The following MACO1 variants were observed in gnomAD, a reference collection of about 807,000 sequenced individuals.
The protein encoded by MACO1 is macoilin 1.
A neutral mutation model predicts 78.7 loss-of-function variants in MACO1; 14 were observed. The ratio of observed to expected loss-of-function variants is 0.18; its 90% CI spans 0.12 to 0.28. The LOEUF is 0.28. MACO1 is among the 10% of genes least tolerant of loss of function. The pLI is 1.00. For synonymous variants in MACO1, 288 were observed against 291.6 expected (o/e 0.99, Z 0.12); for missense variants, 501 against 799.0 (o/e 0.63, Z 4.50).
chr1:25,469,699 C>T (rs563719738), intron 6 of MACO1, among the ~76,000 whole-genome samples: 19 of 149,738 alleles, frequency 1.3e-4, no homozygotes, highest in African/African-American at 4.5e-4. Flanking sequence ...TGCAGTGGTC[C>T]GATCTCGGCT....
intron 8 of MACO1, among the ~76,000 whole-genome samples, chr1:25,487,806 TGTC>T (rs994740680): frequency 2.6e-5 from 4 of 152,204 alleles, no homozygotes; most frequent in Admixed American, 1.3e-4. Flanking sequence ...TTGTGTGTAT[TGTC>T]TCAAGTCTCA....
intron 1 of MACO1, among the ~76,000 whole-genome samples, chr1:25,439,673 T>TG (rs201239149): frequency 1.1e-4 from 16 of 151,818 alleles, no homozygotes; most frequent in Middle Eastern, 6.8e-3. Context: ...AATTTCTGTT[T>TG]TTTTTTTTTT....
At chr1:25,442,228 G>T (rs1392677148) in intron 1 of MACO1, among the ~76,000 whole-genome samples, 1 of 152,194 alleles carries the variant, frequency 6.6e-6, no homozygotes, top group Non-Finnish European at 1.5e-5. Flanking sequence ...CCAGATAAGG[G>T]GCTGAACGAA....
chr1:25,431,370 T>TCGGCC (rs1355391022), intron 1 of MACO1, among the ~76,000 whole-genome samples, 192 bp downstream of exon 1: 5 of 144,036 alleles, frequency 3.5e-5, no homozygotes, highest in African/African-American at 1.3e-4. Flanking sequence ...GTGGCGAGGG[T>TCGGCC]CGGCCCGGCC....
rs1433926452 is a variant in MACO1, at chr1:25,489,155, TCTC to T, written c.1497-17_1497-15del. 6.2e-7 allele frequency: 1 copy of T among 1,611,276 alleles called. No individual in the cohort carries two copies. Among genetic ancestry groups the T allele is most frequent in the Admixed American group, 1.7e-5 (1 of 59,880 alleles). ...AGTCTTTTAAATCACTTTATTTCCTTCTCTTCTTTTTCAAAAGGGGAGAATGCA... is the reference window on the plus strand; with the variant it reads ...AGTCTTTTAAATCACTTTATTTCCTTTTCTTTTTCAAAAGGGGAGAATGCA... On this transcript the variant is annotated splice_polypyrimidine_tract_variant and intron_variant, in intron 8 of 10. Coordinates refer to ENST00000374343, the MANE Select transcript of MACO1 (RefSeq NM_018202.6).
chr1:25,449,876 G>A (rs1341969350), intron 3 of MACO1, among the ~76,000 whole-genome samples: 1 of 152,094 alleles, frequency 6.6e-6, no homozygotes, highest in Non-Finnish European at 1.5e-5. Context: ...AAAATTAGCT[G>A]GGTGTGGTGG....
chr1:25,432,605 G>A (rs573509223), intron 1 of MACO1, among the ~76,000 whole-genome samples: 21 of 152,192 alleles, frequency 1.4e-4, no homozygotes, highest in Non-Finnish European at 2.6e-4. Context: ...TGGAGGAAAG[G>A]TCTCTTCAAT....
At chr1:25,446,604 G>C (rs1215462874) in intron 1 of MACO1, among the ~76,000 whole-genome samples, 158 bp from the exon 2 acceptor site, 6 of 152,204 alleles carry the variant, frequency 3.9e-5, no homozygotes, top group African/African-American at 1.4e-4. Flanking sequence ...TTAAAATGCA[G>C]ATGGGCCACG....
Position 25,459,095 on chromosome 1 carries a change from A to G in MACO1, c.1154+203A>G, listed in dbSNP as rs148042571. On this transcript the variant is annotated intron_variant, in intron 6 of 10. Transcript: ENST00000374343. ...GCTCTTTGCAGTGTTCTGAATAATG[A>G]GTGACACTGATTACTTCCCACATGT... Among the ~76,000 whole-genome samples, 6 of 152,314 alleles carry G rather than the reference A, an allele frequency of 3.9e-5. No homozygotes were observed. The East Asian group carries it at 1.2e-3, about 29-fold the overall frequency.
At chr1:25,434,386 A>G (rs1445912097) in intron 1 of MACO1, among the ~76,000 whole-genome samples, 1 of 152,240 alleles carries the variant, frequency 6.6e-6, no homozygotes, top group Admixed American at 6.5e-5. Context: ...AATATAAGCT[A>G]GTCCATTTCA....
At chr1:25,480,932 A>AAAT (rs2043369823) in intron 6 of MACO1, among the ~76,000 whole-genome samples, 1 of 72,972 alleles carries the variant, frequency 1.4e-5, no homozygotes, top group Non-Finnish European at 2.4e-5. Flanking sequence ...AAAAAAAAAT[A>AAAT]TATATATATA....
rs191907531 is a variant in MACO1 at position 25,482,565 on chromosome 1, T to G, written c.1155-1551T>G. ...TCATTTAGAATGTCCCCTCCTCTTCTACTTCTCCAAATCCTATCCAAACAT... is the reference window on the plus strand; with the variant it reads ...TCATTTAGAATGTCCCCTCCTCTTCGACTTCTCCAAATCCTATCCAAACAT... On this transcript the variant is annotated intron_variant, in intron 6 of 10. Coordinates refer to ENST00000374343, the MANE Select transcript of MACO1 (RefSeq NM_018202.6). 4.6e-5 allele frequency among the ~76,000 whole-genome samples: 7 copies of G among 152,322 alleles called. No individual in the cohort carries two copies. In the East Asian group the frequency reaches 1.3e-3, roughly 29 times the overall value.
chr1:25,499,631 A>C lies in MACO1; in HGVS notation c.*1165A>C, dbSNP rs915627337. The C allele has an allele frequency of 3.4e-4, 42 of 122,514 alleles. 1 individual carries two copies. Among genetic ancestry groups the C allele is most frequent in the African/African-American group, 8.4e-4 (27 of 32,238 alleles). 7.6% of individuals were successfully genotyped at this position (122,514 alleles called of 1,614,324 possible). ...TTTCAGTTTCAAATGTGTATTATAC[A>C]TGGGTAGAAAAGTGTTTGCACAGGC... On this transcript the variant is annotated 3_prime_UTR_variant, in exon 11 of 11. Coordinates refer to ENST00000374343, the MANE Select transcript of MACO1 (RefSeq NM_018202.6).
At chr1:25,461,931 A>G (rs35189848) in intron 6 of MACO1, among the ~76,000 whole-genome samples, 86,449 of 151,510 alleles carry the variant, frequency 0.57, 26,110 homozygotes, top group African/African-American at 0.77. Context: ...TAAAAGGAAA[A>G]GCCTCTATCT....
chr1:25,492,459 G>A (rs1399816135), intron 10 of MACO1, among the ~76,000 whole-genome samples: 1 of 152,070 alleles, frequency 6.6e-6, no homozygotes, highest in African/African-American at 2.4e-5. Flanking sequence ...AGTGAGCCGT[G>A]TAAAGAGCTG....
At position 25,485,887 on chromosome 1, in the gene MACO1, G is replaced by T. The variant is rs903748886; in HGVS notation, c.1496+92G>T. 18 of 1,371,302 alleles carry T rather than the reference G, an allele frequency of 1.3e-5. No homozygotes were observed. The highest frequency in any genetic ancestry group is 1.7e-5 in the Non-Finnish European group (17 of 996,598). The allele number at this position is 1,371,302 out of a possible 1,614,324, so 84.9% of individuals were successfully genotyped here. On this transcript the variant is annotated intron_variant, in intron 8 of 10. Coordinates refer to ENST00000374343, the MANE Select transcript of MACO1 (RefSeq NM_018202.6). This position sits in a 1 kb window ranked among gnomAD's most constrained non-coding sequence, Gnocchi z 4.3. ...TTTGGTGCCTTGGGCAGGATTGGACGTACAGCAATCATGCACGGATGGATT... is the reference window on the plus strand; with the variant it reads ...TTTGGTGCCTTGGGCAGGATTGGACTTACAGCAATCATGCACGGATGGATT...
rs1005765197 is a variant in MACO1 at position 25,430,939 on chromosome 1, C to T, written c.-160C>T. 5 of 472,102 alleles carry T rather than the reference C, an allele frequency of 1.1e-5. No homozygotes were observed. The highest frequency in any genetic ancestry group is 3.9e-5 in the East Asian group (1 of 25,876). The allele number at this position is 472,102 out of a possible 1,614,324, so 29.2% of individuals were successfully genotyped here. ...GAAGGCGGAGGAGGCTCCGAGCCCC[C>T]CCTCCCCGTGCTACCCCCTCCCCCC... On this transcript the variant is annotated 5_prime_UTR_variant, in exon 1 of 11. Transcript: ENST00000374343.
At chr1:25,463,615 A>G (rs770276356) in intron 6 of MACO1, among the ~76,000 whole-genome samples, 3 of 152,220 alleles carry the variant, frequency 2.0e-5, no homozygotes, top group African/African-American at 2.4e-5. Flanking sequence ...TTAACTAAGT[A>G]CTAAGTTGCA....
At chr1:25,435,597 C>CT (rs907786880) in intron 1 of MACO1, among the ~76,000 whole-genome samples, 4 of 152,164 alleles carry the variant, frequency 2.6e-5, no homozygotes, top group African/African-American at 9.7e-5. Context: ...TCACTGCAGG[C>CT]TGTCATGACC....
Sources: allele counts gnomAD v4.1 joint callset (sites outside exome capture counted in the v4.1 genomes callset), GRCh38; gene constraint gnomAD v4.1.1; non-coding constraint Gnocchi (gnomAD v3.1); transcripts MANE v1.5; gene names NCBI Gene and HGNC (gene_info 2026-07-23, HGNC 2026-07-21).